The following EPS15 variants were observed in gnomAD, a reference collection of about 807,000 sequenced individuals.
EPS15 encodes the protein epidermal growth factor receptor pathway substrate 15.
Under a neutral mutation model 113.8 loss-of-function variants are expected in EPS15, and 72 were observed. The ratio of observed to expected loss-of-function variants is 0.63; its 90% CI spans 0.52 to 0.77. The LOEUF (loss-of-function observed/expected upper bound fraction) is 0.77, where lower values mean the gene tolerates loss of function less well. Ranked by LOEUF, EPS15 falls within the 30% of genes least tolerant of loss-of-function variation. EPS15 has a pLI of 0.00. For synonymous variants in EPS15, 344 were observed against 363.4 expected (o/e 0.95, Z 0.61); for missense variants, 1,048 against 1,045.8 (o/e 1.00, Z -0.03).
At chr1:51,390,717 CTCA>C (rs1226852765) in intron 21 of EPS15, among the ~76,000 whole-genome samples, 1 of 152,044 alleles carries the variant, frequency 6.6e-6, no homozygotes, top group African/African-American at 2.4e-5. Flanking sequence ...TGAAAAAATG[CTCA>C]TCATCACTGG....
At chr1:51,366,265 G>T (rs1286503281) in intron 21 of EPS15, among the ~76,000 whole-genome samples, 4 of 151,988 alleles carry the variant, frequency 2.6e-5, no homozygotes, top group African/African-American at 7.2e-5. Context: ...ATGGGGTTTT[G>T]CCATGTTGTC....
rs977387070 is a variant in EPS15 at position 51,354,728 on chromosome 1, T to G, written c.*1972A>C. 1.6e-5 allele frequency: 3 copies of G among 185,296 alleles called. No individual in the cohort carries two copies. Among genetic ancestry groups the G allele is most frequent in the Non-Finnish European group, 3.4e-5 (3 of 87,368 alleles). 11.5% of individuals were successfully genotyped at this position (185,296 alleles called of 1,614,324 possible). On this transcript the variant is annotated 3_prime_UTR_variant, in exon 25 of 25. Transcript: ENST00000371733. Reference sequence around the variant, plus strand: ...TATATAATATATACATACTTTAATATTATGTTGGTCCACGGGGTATACACA... The same window carrying G: ...TATATAATATATACATACTTTAATAGTATGTTGGTCCACGGGGTATACACA...
intron 24 of EPS15, among the ~76,000 whole-genome samples, chr1:51,357,832 C>T (rs751101029): frequency 6.6e-6 from 1 of 151,342 alleles, no homozygotes; most frequent in African/African-American, 2.4e-5. Flanking sequence ...CTCCGCCTCC[C>T]GGGTTCAAGC....
At chr1:51,399,903 T>A (rs906656082) in intron 19 of EPS15, among the ~76,000 whole-genome samples, 2 of 152,144 alleles carry the variant, frequency 1.3e-5, no homozygotes, top group Non-Finnish European at 2.9e-5. Context: ...CTGTAGAATC[T>A]AAGCTGAGTA....
intron 10 of EPS15, among the ~76,000 whole-genome samples, chr1:51,446,382 TTTTAAG>T (rs1425747052): frequency 6.6e-6 from 1 of 152,154 alleles, no homozygotes; most frequent in Non-Finnish European, 1.5e-5. Context: ...TCTCTGAAAA[TTTTAAG>T]TTTAATTGAT....
chr1:51,410,024 A>C (rs1460154879), intron 13 of EPS15, among the ~76,000 whole-genome samples: 1 of 151,766 alleles, frequency 6.6e-6, no homozygotes, highest in Non-Finnish European at 1.5e-5. Context: ...GTCAAAAAAA[A>C]ACCCCACATG....
intron 12 of EPS15, among the ~76,000 whole-genome samples, chr1:51,431,651 G>T (rs2148463446): frequency 1.3e-5 from 2 of 152,048 alleles, no homozygotes; most frequent in Admixed American, 1.3e-4. Flanking sequence ...TCACCTTATT[G>T]GCCAGGCTGG....
rs181517586 is a variant in EPS15, at chr1:51,404,516, C to T, written c.1678-984G>A. Among the ~76,000 whole-genome samples the T allele has an allele frequency of 1.2e-3, 180 of 152,240 alleles. 1 individual carries two copies. The highest frequency in any genetic ancestry group is 4.0e-3 in the African/African-American group (167 of 41,542). On this transcript the variant is annotated intron_variant, in intron 16 of 24. Coordinates refer to ENST00000371733, the MANE Select transcript of EPS15 (RefSeq NM_001981.3). ...CATGACTGCACTGTGTAAATAAAAT[C>T]GAGTCTGTTAACTTTTCACTTTTAA...
chr1:51,405,430 C>G lies in EPS15; in HGVS notation c.1677+475G>C, dbSNP rs529630034. On this transcript the variant is annotated intron_variant, in intron 16 of 24. Coordinates refer to ENST00000371733, the MANE Select transcript of EPS15 (RefSeq NM_001981.3). Reference sequence around the variant, plus strand: ...TAAATTAGCTGGCTGGGCGTGGTGGCTCACGCCTGTAATCCCTGCACTTTG... The same window carrying G: ...TAAATTAGCTGGCTGGGCGTGGTGGGTCACGCCTGTAATCCCTGCACTTTG... Among the ~76,000 whole-genome samples the G allele has an allele frequency of 2.6e-5, 4 of 152,300 alleles. No individual in the cohort carries two copies. In the South Asian group the frequency reaches 8.3e-4, roughly 32 times the overall value.
chr1:51,491,414 G>C (rs1277639095), intron 1 of EPS15, among the ~76,000 whole-genome samples: 1 of 152,104 alleles, frequency 6.6e-6, no homozygotes, highest in Non-Finnish European at 1.5e-5. Context: ...AATACACCAA[G>C]AGTCTATGTT....
Position 51,405,919 on chromosome 1 carries a change from G to A in EPS15, c.1663C>T (p.His555Tyr), listed in dbSNP as rs1195775722. 24 of 1,614,040 alleles carry A rather than the reference G, an allele frequency of 1.5e-5. No homozygotes were observed. Among genetic ancestry groups the A allele is most frequent in the Non-Finnish European group, 1.9e-5 (23 of 1,179,930 alleles). Residue 555 changes from histidine to tyrosine, a missense_variant, in exon 16 of 25, where the codon CAC becomes TAC. Physicochemically the swap from His to Tyr is moderately conservative, Grantham distance 83. Transcript: ENST00000371733. ...ATTAGACTCACTGGAGATTCCTGGTGTATGGGCTCAGACTCTAGGTTGCTC... is the reference window on the plus strand; with the variant it reads ...ATTAGACTCACTGGAGATTCCTGGTATATGGGCTCAGACTCTAGGTTGCTC... Reference protein sequence around the residue: ...GQSNLESEPIHQESPARSSPE... With the variant: ...GQSNLESEPIYQESPARSSPE...
chr1:51,427,126 C>T (rs1278320450), intron 12 of EPS15, among the ~76,000 whole-genome samples: 2 of 152,058 alleles, frequency 1.3e-5, no homozygotes, highest in South Asian at 2.1e-4. Flanking sequence ...GATTACATAA[C>T]TTATGCCAGC....
chr1:51,390,750 C>A (rs2148400340), intron 21 of EPS15, among the ~76,000 whole-genome samples: 1 of 152,204 alleles, frequency 6.6e-6, no homozygotes, highest in African/African-American at 2.4e-5. Flanking sequence ...AAATGCAAAT[C>A]AAAACCACAA....
chr1:51,362,795 A>G (rs1439952218), intron 23 of EPS15, among the ~76,000 whole-genome samples: 4 of 152,136 alleles, frequency 2.6e-5, no homozygotes, highest in Non-Finnish European at 5.9e-5. Flanking sequence ...CCAAGGAATG[A>G]GGTATGATTT....
At chr1:51,362,276 C>T (rs1310442931) in intron 23 of EPS15, among the ~76,000 whole-genome samples, 3 of 152,086 alleles carry the variant, frequency 2.0e-5, no homozygotes, top group Non-Finnish European at 4.4e-5. Context: ...CATTTAATAG[C>T]CAAGGGTCAG....
At chr1:51,401,829 C>A (rs546085283) in intron 18 of EPS15, among the ~76,000 whole-genome samples, 23 of 152,178 alleles carry the variant, frequency 1.5e-4, no homozygotes, top group African/African-American at 5.1e-4. Flanking sequence ...ATGGTGAAAC[C>A]CAGTCTCTAC....
chr1:51,513,311 T>C (rs1427484301), intron 1 of EPS15, among the ~76,000 whole-genome samples: 2 of 152,042 alleles, frequency 1.3e-5, no homozygotes, highest in African/African-American at 4.8e-5. Context: ...GCCAGTAAAA[T>C]AAATAACAGT....
chr1:51,473,560 G>C (rs1327222387), intron 2 of EPS15, among the ~76,000 whole-genome samples: 1 of 151,878 alleles, frequency 6.6e-6, no homozygotes, highest in Non-Finnish European at 1.5e-5. Context: ...CTTTAAGACA[G>C]AATGAGGTCA....
chr1:51,466,317 G>T (rs1654836636), intron 5 of EPS15, among the ~76,000 whole-genome samples: 1 of 151,650 alleles, frequency 6.6e-6, no homozygotes, highest in Admixed American at 6.6e-5. Flanking sequence ...TAGCCATCTT[G>T]AAAAAATATA....
Sources: gnomAD v4.1 joint callset for allele counts (sites outside exome capture counted in the v4.1 genomes callset) on GRCh38, gnomAD v4.1.1 for gene constraint, MANE v1.5 for transcripts, NCBI Gene and HGNC (gene_info 2026-07-23, HGNC 2026-07-21) for gene names.